CTCFL: variants seen among roughly 807,000 people sequenced by gnomAD.
The protein encoded by CTCFL is CCCTC-binding factor like.
In CTCFL, 36 loss-of-function variants were observed where a neutral mutation model predicts 67.4. The observed-to-expected ratio is 0.53, with a 90% CI of 0.41 to 0.71. CTCFL has a LOEUF of 0.71. CTCFL is among the 30% of genes least tolerant of loss of function. CTCFL has a pLI of 0.00. For synonymous variants in CTCFL, 324 were observed against 302.3 expected, an observed-to-expected ratio of 1.07 and a Z score of -0.75; for missense variants, 786 against 835.2, an observed-to-expected ratio of 0.94 and a Z score of 0.73.
rs548905429 is a variant in CTCFL at position 57,524,687 on chromosome 20, C to T, written c.-12+341G>A. The T allele has an allele frequency of 2.9e-5, 29 of 998,064 alleles. No individual in the cohort carries two copies. In the East Asian group the frequency reaches 1.3e-3, roughly 45 times the overall value. 61.8% of individuals were successfully genotyped at this position (998,064 alleles called of 1,614,324 possible). On this transcript the variant is annotated intron_variant, in intron 1 of 10. Coordinates refer to ENST00000243914, the MANE Select transcript of CTCFL (RefSeq NM_001386993.1). ...AGGCCCCGGGCCAGTGCACACCCGG[C>T]GCCCAGCGAGGTTCGGGCCCGAGCA...
chr20:57,520,228 T>C (rs2069250298), intron 3 of CTCFL, among the ~76,000 whole-genome samples: 4 of 152,200 alleles, frequency 2.6e-5, no homozygotes, highest in South Asian at 2.1e-4. Context: ...ATACCATCCC[T>C]TGAAGAACCC....
intron 3 of CTCFL, among the ~76,000 whole-genome samples, chr20:57,521,566 A>G (rs1029296109): frequency 6.6e-6 from 1 of 152,244 alleles, no homozygotes; most frequent in Non-Finnish European, 1.5e-5. Flanking sequence ...TCCACTCCTA[A>G]GTATATACGC....
In CTCFL at chr20:57,525,125, G is replaced by C. The variant is rs1368279211; in HGVS notation, c.-109C>G. On this transcript the variant is annotated 5_prime_UTR_variant, in exon 1 of 11. Transcript: ENST00000243914. Reference sequence around the variant, plus strand: ...CTGCAGCCCACAGCCGGCCGCCGCCGGGCTGGCGCGAGAGTGGAGGGTGGC... The same window carrying C: ...CTGCAGCCCACAGCCGGCCGCCGCCCGGCTGGCGCGAGAGTGGAGGGTGGC... The C allele has an allele frequency of 2.0e-5, 3 of 151,888 alleles. No homozygotes were observed. The highest frequency in any genetic ancestry group is 6.6e-5 in the Admixed American group (1 of 15,246). The allele number at this position is 151,888 out of a possible 1,614,324, so 9.4% of individuals were successfully genotyped here. A position where few individuals can be genotyped will look rare whatever the true frequency, so the allele number is the denominator to read the frequency against.
chr20:57,512,782 C>T, intron 7 of CTCFL, 30 bp from the exon 8 acceptor site: 1 of 1,604,696 alleles, frequency 6.2e-7, no homozygotes, highest in Non-Finnish European at 8.5e-7. Flanking sequence ...TTATATACTT[C>T]AAGAGTGTTG....
Position 57,523,834 on chromosome 20 carries a change from T to G in CTCFL, c.372A>C (p.Glu124Asp), listed in dbSNP as rs755459978. 6.2e-7 allele frequency: 1 copy of G among 1,613,080 alleles called. No homozygotes were observed. The change falls in exon 2 of 11, where the codon GAA becomes GAC. Residue 124 changes from glutamate to aspartate, a missense_variant. Coordinates refer to ENST00000243914, the MANE Select transcript of CTCFL (RefSeq NM_001386993.1). The stretch of plus-strand genomic sequence containing the variant: ...ACTGCTGCAGGCTCTGCCGGGGCCC[T>G]TCCTCAAGCCACAGCAACCCAGGGC... ...QPGPGLLWLEEGPRQSLQQCV... is the reference protein window; with the variant it reads ...QPGPGLLWLEDGPRQSLQQCV...
Position 57,498,063 on chromosome 20 carries a change from T to C in CTCFL, c.*487A>G. 1 of 910,448 alleles carries C rather than the reference T, an allele frequency of 1.1e-6. No individual in the cohort carries two copies. The highest frequency in any genetic ancestry group is 1.3e-6 in the Non-Finnish European group (1 of 761,708). 56.4% of individuals were successfully genotyped at this position (910,448 alleles called of 1,614,324 possible). A position where few individuals can be genotyped will look rare whatever the true frequency, so the allele number is the denominator to read the frequency against. On this transcript the variant is annotated 3_prime_UTR_variant, in exon 11 of 11. Transcript: ENST00000243914. Reference sequence around the variant, plus strand: ...GTATAAAAACATTTGTCTTTAATGTTTAAAACCATATATTATTAGAAATAT... The same window carrying C: ...GTATAAAAACATTTGTCTTTAATGTCTAAAACCATATATTATTAGAAATAT...
chr20:57,508,771 A>G lies in CTCFL; in HGVS notation c.1509T>C (p.Ala503=). The stretch of plus-strand genomic sequence containing the variant: ...TCTCTCCAGTGTGGGTACGAATGTG[A>G]GCGGTCATATGACGTTCCTAAGAGG... ...YACKQERHMT[A]HIRTHTGEKP... The change falls in exon 9 of 11, where the codon GCT becomes GCC. Residue 503 remains alanine (A), a synonymous_variant. Transcript: ENST00000243914. 1 of 1,614,196 alleles carries G rather than the reference A, an allele frequency of 6.2e-7. No individual in the cohort carries two copies. Among genetic ancestry groups the G allele is most frequent in the Non-Finnish European group, 8.5e-7 (1 of 1,180,020 alleles).
chr20:57,523,024 A>G, intron 3 of CTCFL, 44 bp downstream of exon 3: 1 of 1,478,918 alleles, frequency 6.8e-7, no homozygotes, highest in African/African-American at 1.4e-5. Context: ...GAAAAACAGC[A>G]GCCCAGTTTT....
chr20:57,512,869 C>G, intron 7 of CTCFL, 117 bp from the exon 8 acceptor site: 1 of 925,942 alleles, frequency 1.1e-6, no homozygotes, highest in African/African-American at 1.6e-5. Context: ...TAGTTCCTTC[C>G]TGGGCAGGGC....
At chr20:57,519,174 A>G in intron 4 of CTCFL, 33 bp downstream of exon 4, 3 of 1,607,236 alleles carry the variant, frequency 1.9e-6, no homozygotes, top group Non-Finnish European at 1.7e-6. Context: ...AACACACATC[A>G]TTCCAGAGAA....
intron 10 of CTCFL, among the ~76,000 whole-genome samples, chr20:57,501,784 C>T (rs772185341): frequency 7.9e-5 from 12 of 152,114 alleles, no homozygotes; most frequent in Non-Finnish European, 1.3e-4. Flanking sequence ...AGGCCTCCAC[C>T]CAGAGGGAGG....
chr20:57,524,815 G>T, intron 1 of CTCFL: 1 of 948,448 alleles, frequency 1.1e-6, no homozygotes, highest in Non-Finnish European at 1.3e-6. Flanking sequence ...AGCAGCCCTC[G>T]GCCAGACCAA....
chr20:57,523,253 TG>T lies in CTCFL; in HGVS notation c.568del (p.Gln190SerfsTer87). On this transcript the variant is annotated frameshift_variant, in exon 3 of 11. Coordinates refer to ENST00000243914, the MANE Select transcript of CTCFL (RefSeq NM_001386993.1). LOFTEE classifies it high-confidence loss of function. ...CTCCTTTGTTCTTTCAGCCAATAAC[TG>T]GTTCTTCTCCTGCTCTTCCTCGAGC... ...IKLEEEQEKN[Q>X]LLAERTKEQL... The T allele has an allele frequency of 6.2e-7, 1 of 1,613,886 alleles. No homozygotes were observed. Among genetic ancestry groups the T allele is most frequent in the Non-Finnish European group, 8.5e-7 (1 of 1,179,932 alleles).
In CTCFL at chr20:57,508,619, C is replaced by G; in HGVS notation, c.1661G>C (p.Gly554Ala). 6.2e-7 allele frequency: 1 copy of G among 1,614,090 alleles called. No individual in the cohort carries two copies. The highest frequency in any genetic ancestry group is 8.5e-7 in the Non-Finnish European group (1 of 1,179,992). ...AAGTAAGCTTACCCAGCGGGAAAAG[C>G]CTTTGCCACACTTGGAGCATTTGTA... Reference protein sequence around the residue: ...TVYKCSKCGKGFSRWINLHRH... With the variant: ...TVYKCSKCGKAFSRWINLHRH... Residue 554 changes from glycine (G) to alanine (A), a missense_variant, in exon 9 of 11, where the codon GGC becomes GCC. By Grantham distance (60) the Gly-to-Ala change is moderately conservative. Coordinates refer to ENST00000243914, the MANE Select transcript of CTCFL (RefSeq NM_001386993.1).
chr20:57,505,170 G>C (rs1166770454), intron 9 of CTCFL, among the ~76,000 whole-genome samples: 1 of 151,788 alleles, frequency 6.6e-6, no homozygotes, highest in Non-Finnish European at 1.5e-5. Flanking sequence ...GACCCTTTCT[G>C]TTGTGCTTAG....
At position 57,498,819 on chromosome 20, in the gene CTCFL, T is replaced by G. The variant is rs545601302; in HGVS notation, c.1841-118A>C. 1.1e-4 allele frequency: 97 copies of G among 862,622 alleles called. No individual in the cohort carries two copies. The African/African-American group carries it at 1.5e-3, about 13-fold the overall frequency. 53.4% of individuals were successfully genotyped at this position (862,622 alleles called of 1,614,324 possible). A position where few individuals can be genotyped will look rare whatever the true frequency, so the allele number is the denominator to read the frequency against. On this transcript the variant is annotated intron_variant, in intron 10 of 10. Transcript: ENST00000243914. ...AAATTTGAACACGGCAGCAAGCATG[T>G]TAGAAAACAATCTAATTGATAAGAT... is the stretch of plus-strand genomic sequence containing the variant.
Position 57,523,936 on chromosome 20 carries a change from T to C in CTCFL, c.270A>G (p.Glu90=), listed in dbSNP as rs777987324. 1 of 1,613,078 alleles carries C rather than the reference T, an allele frequency of 6.2e-7. No individual in the cohort carries two copies. Among genetic ancestry groups the C allele is most frequent in the East Asian group, 2.2e-5 (1 of 44,884 alleles). Reference sequence around the variant, plus strand: ...AGCTCATATCCTGCAACTCCACAGCTTCAGAAGTGAAGTGCACCGTCTGCA... The same window carrying C: ...AGCTCATATCCTGCAACTCCACAGCCTCAGAAGTGAAGTGCACCGTCTGCA... ...LTLQTVHFTS[E]AVELQDMSLL... Residue 90 remains glutamate (E), a synonymous_variant, in exon 2 of 11, where the codon GAA becomes GAG. Coordinates refer to ENST00000243914, the MANE Select transcript of CTCFL (RefSeq NM_001386993.1).
intron 5 of CTCFL, among the ~76,000 whole-genome samples, chr20:57,518,291 A>C (rs775193148): frequency 9.2e-5 from 14 of 152,240 alleles, no homozygotes; most frequent in Non-Finnish European, 1.8e-4. Context: ...GCACACCTGA[A>C]GTTTGAAAAG....
rs6070128 is a variant in CTCFL, at chr20:57,524,058, C to T, written c.148G>A (p.Glu50Lys). The part of the protein sequence containing the change: ...DHRSPSELEA[E>K]RTSGAFQDSV... ...TCCTGGAAGGCCCCAGAGGTACGCTCGGCCTCCAACTCACTAGGGCTCCGA... is the reference window on the plus strand; with the variant it reads ...TCCTGGAAGGCCCCAGAGGTACGCTTGGCCTCCAACTCACTAGGGCTCCGA... Residue 50 changes from glutamate (E) to lysine (K), a missense_variant, in exon 2 of 11, where the codon GAG becomes AAG. Glu to Lys is a moderately conservative substitution (Grantham distance 56). Coordinates refer to ENST00000243914, the MANE Select transcript of CTCFL (RefSeq NM_001386993.1). 1.2e-6 allele frequency: 2 copies of T among 1,613,492 alleles called. No individual in the cohort carries two copies. Among genetic ancestry groups the T allele is most frequent in the Non-Finnish European group, 8.5e-7 (1 of 1,179,942 alleles).
Sources: gnomAD v4.1 joint callset for allele counts (sites outside exome capture counted in the v4.1 genomes callset) on GRCh38, gnomAD v4.1.1 for gene constraint, MANE v1.5 for transcripts, NCBI Gene and HGNC (gene_info 2026-07-23, HGNC 2026-07-21) for gene names.